PCDHGA11: variants seen among roughly 807,000 people sequenced by gnomAD.
The protein encoded by PCDHGA11 is protocadherin gamma subfamily A, 11.
A neutral mutation model predicts 60.4 loss-of-function variants in PCDHGA11; 39 were observed. The observed-to-expected ratio is 0.65, with a 90% confidence interval of 0.50 to 0.84. The LOEUF is 0.84. PCDHGA11 is among the 40% of genes least tolerant of loss of function. The pLI, the probability that PCDHGA11 is intolerant of heterozygous loss-of-function variation, is 0.00. For synonymous variants in PCDHGA11, 533 were observed against 510.3 expected (o/e 1.04, Z -0.60); for missense variants, 1,165 against 1,197.7 (o/e 0.97, Z 0.40).
intron 2 of PCDHGA11, 105 bp downstream of exon 2, chr5:141,494,970 C>T (rs1352514628): frequency 1.9e-6 from 3 of 1,584,974 alleles, no homozygotes; most frequent in East Asian, 4.6e-5. Context: ...GATGGCTTCT[C>T]CCTCAGTTTG....
At chr5:141,500,728 T>C (rs556463739) in intron 2 of PCDHGA11, among the ~76,000 whole-genome samples, 1 of 152,310 alleles carries the variant, frequency 6.6e-6, no homozygotes, top group South Asian at 2.1e-4. Context: ...CCCATGTCTT[T>C]CAAAATTCTT....
chr5:141,508,527 GCACC>G (rs2099869479), intron 3 of PCDHGA11, among the ~76,000 whole-genome samples: 1 of 152,104 alleles, frequency 6.6e-6, no homozygotes, highest in Non-Finnish European at 1.5e-5. Flanking sequence ...CAACCTCAGG[GCACC>G]CCCCACGAGG....
chr5:141,447,805 G>T (rs1389870133), intron 1 of PCDHGA11, among the ~76,000 whole-genome samples: 2 of 152,064 alleles, frequency 1.3e-5, no homozygotes, highest in African/African-American at 4.8e-5. Context: ...AATAAAATTG[G>T]CTGGGCGTGG....
intron 1 of PCDHGA11, chr5:141,433,284 C>T: frequency 8.5e-7 from 1 of 1,176,236 alleles, no homozygotes; most frequent in Non-Finnish European, 1.2e-6. Flanking sequence ...GCCTCAAACT[C>T]CTAGGCTCAA....
At position 141,423,500 on chromosome 5, in the gene PCDHGA11, T is replaced by A. The variant is rs1191111288; in HGVS notation, c.2273T>A (p.Val758Asp). The stretch of plus-strand genomic sequence containing the variant: ...TTCCTGCAAACCTATTCCCACGAGG[T>A]CTCTCTCATTGCGGACTCGCAGAAG... ...QAFLQTYSHE[V>D]SLIADSQKSH... is the part of the protein sequence containing the mutation. The change falls in exon 1 of 4, where the codon GTC becomes GAC. Residue 758 changes from valine to aspartate, a missense_variant. Coordinates refer to ENST00000398587, the MANE Select transcript of PCDHGA11 (RefSeq NM_018914.3). 1 of 1,613,732 alleles carries A rather than the reference T, an allele frequency of 6.2e-7. No individual in the cohort carries two copies. The highest frequency in any genetic ancestry group is 8.5e-7 in the Non-Finnish European group (1 of 1,179,894).
intron 1 of PCDHGA11, among the ~76,000 whole-genome samples, chr5:141,433,853 A>C (rs934981508): frequency 1.3e-5 from 2 of 151,912 alleles, no homozygotes; most frequent in African/African-American, 2.4e-5. Context: ...AAAAAAAAAA[A>C]AACTTTATCC....
rs1561863583 is a variant in PCDHGA11, at chr5:141,432,685, C to A, written c.2433+9025C>A. Reference sequence around the variant, plus strand: ...ACAGAGACGCGCTCAAGCAGAGCCTCGTAGTGGCCGTCCAGGACCACGGCC... The same window carrying A: ...ACAGAGACGCGCTCAAGCAGAGCCTAGTAGTGGCCGTCCAGGACCACGGCC... On this transcript the variant is annotated intron_variant, in intron 1 of 3. Transcript: ENST00000398587. The surrounding 1 kb of genome is among the most constrained non-coding windows in gnomAD (Gnocchi z 6.0). 3.7e-6 allele frequency: 6 copies of A among 1,613,932 alleles called. No individual in the cohort carries two copies. Among genetic ancestry groups the A allele is most frequent in the Non-Finnish European group, 5.1e-6 (6 of 1,179,966 alleles).
intron 1 of PCDHGA11, among the ~76,000 whole-genome samples, chr5:141,492,226 C>T (rs1365682179): frequency 6.6e-6 from 1 of 152,178 alleles, no homozygotes; most frequent in Non-Finnish European, 1.5e-5. Flanking sequence ...CATGCGTGTC[C>T]TCCCTGCTGG....
chr5:141,443,938 G>T (rs1330111540), intron 1 of PCDHGA11, among the ~76,000 whole-genome samples: 1 of 152,014 alleles, frequency 6.6e-6, no homozygotes, highest in Non-Finnish European at 1.5e-5. Context: ...CTCACAGCAG[G>T]TTTCCTTATT....
Position 141,487,933 on chromosome 5 carries a change from A to G in PCDHGA11, c.2434-6874A>G. ...CACAGGAGGCTACAGTGCACAGGGT[A>G]CAGTGCACCAGGCAGTCACTTGGAC... is the stretch of plus-strand genomic sequence containing the variant. On this transcript the variant is annotated intron_variant, in intron 1 of 3. Coordinates refer to ENST00000398587, the MANE Select transcript of PCDHGA11 (RefSeq NM_018914.3). This position sits in a 1 kb window ranked among gnomAD's most constrained non-coding sequence, Gnocchi z 5.0. 1 of 612,006 alleles carries G rather than the reference A, an allele frequency of 1.6e-6. No homozygotes were observed. Among genetic ancestry groups the G allele is most frequent in the South Asian group, 2.0e-5 (1 of 49,074 alleles). The allele number at this position is 612,006 out of a possible 1,614,324, so 37.9% of individuals were successfully genotyped here. A position where few individuals can be genotyped will look rare whatever the true frequency, so the allele number is the denominator to read the frequency against.
intron 1 of PCDHGA11, among the ~76,000 whole-genome samples, chr5:141,481,863 G>A (rs182704348): frequency 8.8e-4 from 130 of 147,602 alleles, no homozygotes; most frequent in African/African-American, 3.3e-3. Flanking sequence ...GCAGTGAGCC[G>A]AGATCGCGCC....
At chr5:141,466,180 A>AT (rs922532578) in intron 1 of PCDHGA11, among the ~76,000 whole-genome samples, 11 of 151,256 alleles carry the variant, frequency 7.3e-5, no homozygotes, top group South Asian at 2.1e-4. Context: ...TTTTATTTTT[A>AT]TTTTTTTTCA....
rs776718024 is a variant in PCDHGA11 at position 141,486,333 on chromosome 5, T to C, written c.2434-8474T>C. 8.1e-6 allele frequency: 13 copies of C among 1,614,080 alleles called. No individual in the cohort carries two copies. Among genetic ancestry groups the C allele is most frequent in the Non-Finnish European group, 1.1e-5 (13 of 1,179,998 alleles). On this transcript the variant is annotated intron_variant, in intron 1 of 3. Coordinates refer to ENST00000398587, the MANE Select transcript of PCDHGA11 (RefSeq NM_018914.3). The surrounding 1 kb of genome is among the most constrained non-coding windows in gnomAD (Gnocchi z 5.0). ...TCAGGGTCAAACGGAGATGTGAGCC[T>C]CCGCATTCCTGACCACTTGCCATTT...
intron 1 of PCDHGA11, among the ~76,000 whole-genome samples, chr5:141,461,376 T>C (rs2099014225): frequency 6.6e-6 from 1 of 152,184 alleles, no homozygotes; most frequent in South Asian, 2.1e-4. Context: ...AATTTGCATT[T>C]TCCTGATGAT....
intron 1 of PCDHGA11, chr5:141,478,551 G>A (rs759604162): frequency 6.2e-6 from 10 of 1,603,054 alleles, no homozygotes; most frequent in South Asian, 3.3e-5. Context: ...GGACAGGTAA[G>A]GTTTAGCAAG....
intron 1 of PCDHGA11, among the ~76,000 whole-genome samples, chr5:141,492,482 A>G (rs1339196127): frequency 6.6e-6 from 1 of 152,182 alleles, no homozygotes; most frequent in Non-Finnish European, 1.5e-5. Context: ...GCGGCCGCCC[A>G]GGACCAGGCG....
At chr5:141,444,183 T>G (rs2098423667) in intron 1 of PCDHGA11, among the ~76,000 whole-genome samples, 1 of 138,396 alleles carries the variant, frequency 7.2e-6, no homozygotes, top group African/African-American at 2.8e-5. Flanking sequence ...TTTTTTTTTT[T>G]TTTTTGAGAT....
chr5:141,484,866 C>A (rs1474623432), intron 1 of PCDHGA11: 9 of 275,500 alleles, frequency 3.3e-5, no homozygotes, highest in Non-Finnish European at 5.5e-5. Context: ...GGTGGGGGAG[C>A]GTGGAGGATA....
chr5:141,488,518 G>A lies in PCDHGA11; in HGVS notation c.2434-6289G>A, dbSNP rs2233597. On this transcript the variant is annotated intron_variant, in intron 1 of 3. Coordinates refer to ENST00000398587, the MANE Select transcript of PCDHGA11 (RefSeq NM_018914.3). Reference sequence around the variant, plus strand: ...CACTCATTCCACATTTGGGGTCTGGGGTGTCAGAAAAGCTAAGTCCCATGT... The same window carrying A: ...CACTCATTCCACATTTGGGGTCTGGAGTGTCAGAAAAGCTAAGTCCCATGT... Among the ~76,000 whole-genome samples the A allele has an allele frequency of 5.8e-3, 879 of 152,218 alleles. 4 individuals are homozygous for A. The highest frequency in any genetic ancestry group is 0.021 in the African/African-American group (853 of 41,520).
Sources: gnomAD v4.1 joint callset for allele counts (sites outside exome capture counted in the v4.1 genomes callset) on GRCh38, gnomAD v4.1.1 for gene constraint, Gnocchi (gnomAD v3.1) non-coding constraint, MANE v1.5 for transcripts, NCBI Gene and HGNC (gene_info 2026-07-23, HGNC 2026-07-21) for gene names.